Variants in PDLIM5 observed in about 807,000 individuals in gnomAD.
PDLIM5 encodes the protein PDZ and LIM domain protein 5.
Under a neutral mutation model 64.2 loss-of-function variants are expected in PDLIM5, and 34 were observed. That is an observed-to-expected ratio of 0.53 (90% CI 0.40 to 0.71). PDLIM5 has a LOEUF of 0.71. Ranked by LOEUF, PDLIM5 falls within the 30% of genes least tolerant of loss-of-function variation. The probability of loss-of-function intolerance (pLI) is 0.00; values close to 1 mark genes in which losing one functional copy is unlikely to be tolerated. For missense variants in PDLIM5, 683 were observed against 733.6 expected, an observed-to-expected ratio of 0.93 and a Z score of 0.80; for synonymous variants, 253 against 269.1, an observed-to-expected ratio of 0.94 and a Z score of 0.59.
intron 3 of PDLIM5, among the ~76,000 whole-genome samples, chr4:94,562,480 A>G (rs1321117022): frequency 1.3e-5 from 2 of 152,182 alleles, no homozygotes; most frequent in African/African-American, 2.4e-5. Flanking sequence ...TGGGTCCTGG[A>G]CTGGTACCAG....
intron 8 of PDLIM5, among the ~76,000 whole-genome samples, chr4:94,634,089 T>C (rs1740368672): frequency 1.3e-5 from 2 of 152,268 alleles, no homozygotes; most frequent in South Asian, 4.1e-4. Context: ...AGGGGTCAGA[T>C]GCTCTAAGAC....
At chr4:94,598,019 T>A (rs1382911275) in intron 7 of PDLIM5, among the ~76,000 whole-genome samples, 1 of 152,166 alleles carries the variant, frequency 6.6e-6, no homozygotes, top group East Asian at 1.9e-4. Flanking sequence ...AAAATTCCTT[T>A]GAATTTAATA....
chr4:94,464,289 A>G (rs940382026), intron 2 of PDLIM5, among the ~76,000 whole-genome samples: 3 of 152,228 alleles, frequency 2.0e-5, no homozygotes, highest in African/African-American at 7.2e-5. Context: ...ATTGAAGAAA[A>G]GAGAAAGTAG....
At chr4:94,661,822 CT>C (rs869268659) in intron 11 of PDLIM5, among the ~76,000 whole-genome samples, 291 of 142,178 alleles carry the variant, frequency 2.0e-3, no homozygotes, top group Middle Eastern at 3.6e-3. Context: ...CAGAACAGTT[CT>C]TTTTTTTTTT....
intron 9 of PDLIM5, among the ~76,000 whole-genome samples, chr4:94,643,270 C>T (rs568734245): frequency 7.9e-5 from 12 of 152,252 alleles, no homozygotes; most frequent in African/African-American, 2.4e-4. Context: ...GGAGACATTA[C>T]TTTGACTAGC....
intron 8 of PDLIM5, among the ~76,000 whole-genome samples, chr4:94,620,720 C>G (rs1324813116): frequency 6.6e-6 from 1 of 151,748 alleles, no homozygotes; most frequent in Non-Finnish European, 1.5e-5. Context: ...TTTATACAGT[C>G]TATTTTATAG....
chr4:94,549,403 G>A (rs1263723536), intron 3 of PDLIM5, among the ~76,000 whole-genome samples: 1 of 152,126 alleles, frequency 6.6e-6, no homozygotes, highest in Non-Finnish European at 1.5e-5. Flanking sequence ...AAAGGGAATG[G>A]TTATACCCTC....
chr4:94,582,815 TG>T, intron 5 of PDLIM5: 1 of 856,930 alleles, frequency 1.2e-6, no homozygotes, highest in South Asian at 1.6e-5. Context: ...CAGCAAATTT[TG>T]TTAGGATTTT....
At chr4:94,457,058 A>G (rs1296296289) in intron 2 of PDLIM5, 1 of 878,124 alleles carries the variant, frequency 1.1e-6, no homozygotes, top group African/African-American at 1.8e-5. Flanking sequence ...TTAATAATAT[A>G]TGTGTATGTA....
chr4:94,471,901 T>C (rs2011525), intron 2 of PDLIM5, among the ~76,000 whole-genome samples: 56,774 of 148,550 alleles, frequency 0.38, 11,394 homozygotes, highest in Non-Finnish European at 0.45. Context: ...CTTACAAAGA[T>C]CTTATAAGTA....
intron 3 of PDLIM5, among the ~76,000 whole-genome samples, chr4:94,559,448 A>G (rs1342426912): frequency 6.6e-6 from 1 of 152,216 alleles, no homozygotes; most frequent in Non-Finnish European, 1.5e-5. Context: ...ATTCAACAAG[A>G]AGAGCAGTGA....
At chr4:94,461,701 A>G (rs1309087649) in intron 2 of PDLIM5, among the ~76,000 whole-genome samples, 1 of 152,018 alleles carries the variant, frequency 6.6e-6, no homozygotes, top group Non-Finnish European at 1.5e-5. Flanking sequence ...TTTTATGACA[A>G]TTACTAGAAC....
intron 2 of PDLIM5, among the ~76,000 whole-genome samples, chr4:94,471,207 G>T (rs1205676410): frequency 1.3e-5 from 2 of 152,052 alleles, no homozygotes; most frequent in African/African-American, 4.8e-5. Flanking sequence ...TAAATTCAGG[G>T]TAGCAAGTTT....
intron 3 of PDLIM5, among the ~76,000 whole-genome samples, chr4:94,530,744 A>G (rs1330636281): frequency 1.3e-5 from 2 of 152,108 alleles, no homozygotes; most frequent in Non-Finnish European, 2.9e-5. Flanking sequence ...TCATCCTTCA[A>G]ACAACAAAAA....
chr4:94,618,189 G>A lies in PDLIM5; in HGVS notation c.1106G>A (p.Gly369Glu), dbSNP rs1217609713. The A allele has an allele frequency of 6.3e-7, 1 of 1,587,936 alleles. No individual in the cohort carries two copies. Among genetic ancestry groups the A allele is most frequent in the East Asian group, 2.3e-5 (1 of 43,984 alleles). ...KSPSWQRPNQGVPSTGRISNS... is the reference protein window; with the variant it reads ...KSPSWQRPNQEVPSTGRISNS... ...CCAAGCTGGCAACGGCCAAACCAAG[G>A]AGGTAGCCCAGAGAAATCTCTTGCG... Residue 369 changes from glycine to glutamate, a missense_variant and splice_region_variant, in exon 8 of 13, where the codon GGA (glycine) becomes GAA (glutamate). Transcript: ENST00000317968.
At chr4:94,542,131 G>A (rs1395703139) in intron 3 of PDLIM5, among the ~76,000 whole-genome samples, 1 of 152,040 alleles carries the variant, frequency 6.6e-6, no homozygotes, top group Non-Finnish European at 1.5e-5. Context: ...GGCCAACATG[G>A]TGAAACTCCG....
chr4:94,485,384 T>C (rs1212729866), intron 2 of PDLIM5, among the ~76,000 whole-genome samples: 1 of 152,220 alleles, frequency 6.6e-6, no homozygotes, highest in Admixed American at 6.5e-5. Context: ...TTACATATTA[T>C]TATTGTGCTA....
chr4:94,665,510 A>ATT lies in PDLIM5; in HGVS notation c.*1443_*1444insTT. 2 of 630,882 alleles carry ATT rather than the reference A, an allele frequency of 3.2e-6. No homozygotes were observed. The highest frequency in any genetic ancestry group is 8.7e-5 in the Admixed American group (1 of 11,538). The allele number at this position is 630,882 out of a possible 1,614,324, so 39.1% of individuals were successfully genotyped here. A position where few individuals can be genotyped will look rare whatever the true frequency, so the allele number is the denominator to read the frequency against. ...AAAAAAAAAAAAAAAAAAAAAAGAG[A>ATT]GAGAGAGAATAAATAGAAAAGAATG... On this transcript the variant is annotated 3_prime_UTR_variant, in exon 13 of 13. Coordinates refer to ENST00000317968, the MANE Select transcript of PDLIM5 (RefSeq NM_006457.5).
intron 4 of PDLIM5, among the ~76,000 whole-genome samples, chr4:94,574,604 A>T (rs1240892848): frequency 6.6e-6 from 1 of 151,518 alleles, no homozygotes; most frequent in Non-Finnish European, 1.5e-5. Context: ...TTTTCTTTTG[A>T]TATGGTAGGG....
Sources: gnomAD v4.1 joint callset for allele counts (sites outside exome capture counted in the v4.1 genomes callset) on GRCh38, gnomAD v4.1.1 for gene constraint, MANE v1.5 for transcripts, NCBI Gene and HGNC (gene_info 2026-07-23, HGNC 2026-07-21) for gene names.